MAD1L1: variants seen among roughly 807,000 people sequenced by gnomAD.
MAD1L1 encodes mitotic arrest deficient 1 like 1.
Under a neutral mutation model 96.9 loss-of-function variants are expected in MAD1L1, and 95 were observed. The observed-to-expected ratio is 0.98, with a 90% confidence interval of 0.83 to 1.16. MAD1L1 has a LOEUF of 1.16. Ranked by LOEUF, MAD1L1 falls within the 50% of genes most tolerant of loss-of-function variation. The pLI, the probability that MAD1L1 is intolerant of heterozygous loss-of-function variation, is 0.00. For missense variants in MAD1L1, 1,007 were observed against 954.4 expected, an observed-to-expected ratio of 1.06 and a Z score of -0.73; for synonymous variants, 473 against 396.6, an observed-to-expected ratio of 1.19 and a Z score of -2.29.
At position 2,214,567 on chromosome 7, in the gene MAD1L1, C is replaced by T. The variant is rs111803819; in HGVS notation, c.925-1294G>A. ...GAGTCTGCCCTCCTGCCAGGCCCCA[C>T]AACCACCGGAGAAAGGCGGCATAGG... On this transcript the variant is annotated intron_variant, in intron 9 of 18. Transcript: ENST00000265854. Among the ~76,000 whole-genome samples, 53 of 152,296 alleles carry T rather than the reference C, an allele frequency of 3.5e-4. 3 individuals are homozygous for T. Among genetic ancestry groups the T allele is most frequent in the African/African-American group, 1.3e-3 (53 of 41,568 alleles).
At chr7:1,952,708 C>G (rs924748655) in intron 16 of MAD1L1, among the ~76,000 whole-genome samples, 1 of 152,316 alleles carries the variant, frequency 6.6e-6, no homozygotes, top group South Asian at 2.1e-4. Context: ...CCTTGCCTCA[C>G]AAAGGAGGCC....
At chr7:2,131,894 C>T (rs1004642319) in intron 11 of MAD1L1, among the ~76,000 whole-genome samples, 1 of 152,188 alleles carries the variant, frequency 6.6e-6, no homozygotes, top group Non-Finnish European at 1.5e-5. Context: ...GTCCTGTGAG[C>T]CCCCCACAAG....
At chr7:2,005,828 A>T (rs534268582) in intron 13 of MAD1L1, among the ~76,000 whole-genome samples, 89 of 152,284 alleles carry the variant, frequency 5.8e-4, no homozygotes, top group African/African-American at 2.1e-3. Flanking sequence ...GATGTAAAAC[A>T]AAACAAAAAA....
intron 18 of MAD1L1, chr7:1,845,636 G>A (rs185797049): frequency 1.4e-5 from 2 of 138,614 alleles, no homozygotes; most frequent in Non-Finnish European, 3.3e-5. Flanking sequence ...GGGGAAGAGC[G>A]CTGTTTAGGA....
chr7:2,013,702 G>A (rs1782403255), intron 13 of MAD1L1, among the ~76,000 whole-genome samples: 1 of 152,268 alleles, frequency 6.6e-6, no homozygotes, highest in Non-Finnish European at 1.5e-5. Flanking sequence ...TGTGCCCACG[G>A]AGAAGTGGTG....
chr7:2,193,842 G>T (rs1205959237), intron 10 of MAD1L1, among the ~76,000 whole-genome samples: 2 of 151,346 alleles, frequency 1.3e-5, no homozygotes, highest in Admixed American at 6.6e-5. Flanking sequence ...CCCAAATCTG[G>T]AAAGGAAGAA....
At chr7:2,000,346 C>T (rs1408413291) in intron 14 of MAD1L1, among the ~76,000 whole-genome samples, 4 of 152,192 alleles carry the variant, frequency 2.6e-5, no homozygotes, top group African/African-American at 7.2e-5. Context: ...CCACCCATTG[C>T]GGCCCTGCAC....
chr7:1,969,548 T>C (rs1488563115), intron 15 of MAD1L1, among the ~76,000 whole-genome samples: 1 of 152,126 alleles, frequency 6.6e-6, no homozygotes, highest in Non-Finnish European at 1.5e-5. Flanking sequence ...AGAAATAAAT[T>C]GTATCCAAAT....
At chr7:1,829,896 A>T (rs1346892223) in intron 18 of MAD1L1, among the ~76,000 whole-genome samples, 1 of 152,210 alleles carries the variant, frequency 6.6e-6, no homozygotes, top group Non-Finnish European at 1.5e-5. Context: ...CAGAGGAAAT[A>T]CTGGAATTAA....
At chr7:1,884,721 G>A (rs117383120) in intron 18 of MAD1L1, among the ~76,000 whole-genome samples, 25 of 152,322 alleles carry the variant, frequency 1.6e-4, no homozygotes, top group Non-Finnish European at 3.2e-4. Flanking sequence ...TGGGAAGACT[G>A]TGTGGAGCGG....
chr7:1,823,696 C>T (rs1241925161), intron 18 of MAD1L1, among the ~76,000 whole-genome samples: 2 of 152,208 alleles, frequency 1.3e-5, no homozygotes, highest in African/African-American at 2.4e-5. Flanking sequence ...GTGGCATCAG[C>T]GGCCATCGTG....
chr7:2,082,003 A>G (rs999428909), intron 11 of MAD1L1, among the ~76,000 whole-genome samples: 2 of 152,210 alleles, frequency 1.3e-5, no homozygotes, highest in Non-Finnish European at 2.9e-5. Flanking sequence ...GAGAGGTTGG[A>G]GCCAAAGATA....
At position 1,964,350 on chromosome 7, in the gene MAD1L1, G is replaced by A. The variant is rs532263267; in HGVS notation, c.1506-6631C>T. 1.2e-4 allele frequency among the ~76,000 whole-genome samples: 18 copies of A among 152,312 alleles called. No homozygotes were observed. The South Asian group carries it at 3.3e-3, about 28-fold the overall frequency. ...AAGGGCTGAATTGGAATGAGCGCAC[G>A]CGTGTAGCTGCAGCCATGTTAACAG... On this transcript the variant is annotated intron_variant, in intron 15 of 18. Coordinates refer to ENST00000265854, the MANE Select transcript of MAD1L1 (RefSeq NM_001013836.2).
chr7:1,994,590 C>T (rs1388878639), intron 14 of MAD1L1, among the ~76,000 whole-genome samples: 1 of 152,132 alleles, frequency 6.6e-6, no homozygotes, highest in Non-Finnish European at 1.5e-5. Flanking sequence ...ACTGTGTGCT[C>T]CCGCTCTCAT....
chr7:1,995,781 C>G (rs1781527249), intron 14 of MAD1L1, among the ~76,000 whole-genome samples: 1 of 151,562 alleles, frequency 6.6e-6, no homozygotes, highest in Admixed American at 6.5e-5. Flanking sequence ...AGCAGCCATA[C>G]AGAACCCCGG....
rs540806905 is a variant in MAD1L1, at chr7:1,834,028, G to A, written c.1999-17800C>T. On this transcript the variant is annotated intron_variant, in intron 18 of 18. Coordinates refer to ENST00000265854, the MANE Select transcript of MAD1L1 (RefSeq NM_001013836.2). ...TTAAATGAGAAATTAGTAACAGAAC[G>A]GCATCTGGAGATTTTCAAAAAATGT... Among the ~76,000 whole-genome samples, 31 of 152,228 alleles carry A rather than the reference G, an allele frequency of 2.0e-4. No individual in the cohort carries two copies. The East Asian group carries it at 3.1e-3, about 15-fold the overall frequency.
At chr7:2,161,194 T>G (rs1185802180) in intron 10 of MAD1L1, among the ~76,000 whole-genome samples, 1 of 71,878 alleles carries the variant, frequency 1.4e-5, no homozygotes. Flanking sequence ...CTCGACTCAC[T>G]GCAACCTCCC....
At chr7:1,821,200 T>A (rs1425372861) in intron 18 of MAD1L1, among the ~76,000 whole-genome samples, 9 of 151,904 alleles carry the variant, frequency 5.9e-5, no homozygotes, top group Non-Finnish European at 8.8e-5. Context: ...CAAAACTTGA[T>A]GCTCATAACA....
intron 14 of MAD1L1, among the ~76,000 whole-genome samples, chr7:1,999,646 C>G (rs1781704302): frequency 6.6e-6 from 1 of 152,194 alleles, no homozygotes; most frequent in South Asian, 2.1e-4. Context: ...TTTCGATGCC[C>G]CTCCACTGCC....
Sources: allele counts gnomAD v4.1 joint callset (sites outside exome capture counted in the v4.1 genomes callset), GRCh38; gene constraint gnomAD v4.1.1; transcripts MANE v1.5; gene names NCBI Gene and HGNC (gene_info 2026-07-23, HGNC 2026-07-21).